KIAA1328: variants seen among roughly 807,000 people sequenced by gnomAD.
The protein encoded by KIAA1328 is KIAA1328.
In KIAA1328, 52 loss-of-function variants were observed where a neutral mutation model predicts 68.1. The ratio of observed to expected loss-of-function variants is 0.76; its 90% confidence interval spans 0.61 to 0.96. The LOEUF (loss-of-function observed/expected upper bound fraction) is 0.96, where lower values mean the gene tolerates loss of function less well. Ranked by LOEUF, KIAA1328 falls within the 40% of genes least tolerant of loss-of-function variation. The pLI is 0.00. For synonymous variants in KIAA1328, 232 were observed against 239.4 expected (o/e 0.97, Z 0.28); for missense variants, 641 against 677.6 (o/e 0.95, Z 0.60).
chr18:37,074,967 A>G (rs1312960342), intron 7 of KIAA1328: 1 of 152,078 alleles, frequency 6.6e-6, no homozygotes, highest in African/African-American at 2.4e-5. Flanking sequence ...ATTCAGATTC[A>G]GGAAATACAG....
intron 6 of KIAA1328, among the ~76,000 whole-genome samples, chr18:37,005,582 C>G (rs942293549): frequency 3.9e-5 from 6 of 152,038 alleles, no homozygotes; most frequent in Non-Finnish European, 5.9e-5. Flanking sequence ...ACTAATTGAA[C>G]CACTAATGCC....
intron 5 of KIAA1328, among the ~76,000 whole-genome samples, chr18:36,945,533 C>G (rs2050869024): frequency 6.6e-6 from 1 of 152,044 alleles, no homozygotes; most frequent in Non-Finnish European, 1.5e-5. Flanking sequence ...AACTGTGATT[C>G]CATTGTATAA....
chr18:37,061,437 T>C (rs1473858362), intron 6 of KIAA1328, among the ~76,000 whole-genome samples: 2 of 152,172 alleles, frequency 1.3e-5, no homozygotes, highest in African/African-American at 2.4e-5. Flanking sequence ...AATATAAAAA[T>C]TCATCAAGCT....
chr18:36,971,317 A>G (rs2052198542), intron 6 of KIAA1328, among the ~76,000 whole-genome samples: 1 of 152,216 alleles, frequency 6.6e-6, no homozygotes, highest in Non-Finnish European at 1.5e-5. Flanking sequence ...TAAAGACTTA[A>G]ACGTAAGACC....
chr18:37,007,277 C>T (rs2053818489), intron 6 of KIAA1328, among the ~76,000 whole-genome samples: 1 of 152,128 alleles, frequency 6.6e-6, no homozygotes, highest in Non-Finnish European at 1.5e-5. Flanking sequence ...ACCAATAAGG[C>T]AAAGATAGCT....
intron 6 of KIAA1328, among the ~76,000 whole-genome samples, chr18:37,037,302 T>C (rs755571933): frequency 3.9e-5 from 6 of 152,178 alleles, no homozygotes; most frequent in Non-Finnish European, 8.8e-5. Context: ...AGTGGGATCT[T>C]GTAAGAATGG....
chr18:36,883,807 C>G (rs931351992), intron 4 of KIAA1328, among the ~76,000 whole-genome samples: 1 of 151,968 alleles, frequency 6.6e-6, no homozygotes, highest in Non-Finnish European at 1.5e-5. Flanking sequence ...GGTCTTTATA[C>G]TTTTTAATAT....
intron 4 of KIAA1328, among the ~76,000 whole-genome samples, chr18:36,881,707 A>G (rs566642644): frequency 6.6e-6 from 1 of 152,330 alleles, no homozygotes; most frequent in South Asian, 2.1e-4. Context: ...GGAATCATAT[A>G]TGTGATCTTT....
chr18:36,838,331 A>G (rs2046747122), intron 3 of KIAA1328, among the ~76,000 whole-genome samples: 1 of 152,170 alleles, frequency 6.6e-6, no homozygotes, highest in Non-Finnish European at 1.5e-5. Flanking sequence ...CTTTTAAAGA[A>G]ATTTTACAAA....
chr18:36,887,451 T>C lies in KIAA1328; in HGVS notation c.448+1779T>C, dbSNP rs140113557. On this transcript the variant is annotated intron_variant, in intron 5 of 9. Coordinates refer to ENST00000280020, the MANE Select transcript of KIAA1328 (RefSeq NM_020776.3). The stretch of plus-strand genomic sequence containing the variant: ...TTTTCAGTGCTGGCAGCTTTACAAT[T>C]CTCTCAGGTTTTTTTAATGGTTGCT... Among the ~76,000 whole-genome samples, 108 of 152,162 alleles carry C rather than the reference T, an allele frequency of 7.1e-4. 1 individual carries two copies. The East Asian group carries it at 0.019, about 27-fold the overall frequency.
intron 6 of KIAA1328, among the ~76,000 whole-genome samples, chr18:36,992,451 C>CTTT (rs71168252): frequency 7.7e-5 from 10 of 130,110 alleles, no homozygotes; most frequent in African/African-American, 3.4e-4. Flanking sequence ...TCTTTTCTTT[C>CTTT]TTTTTTTTTT....
At chr18:37,115,461 A>G (rs1019129073) in intron 7 of KIAA1328, among the ~76,000 whole-genome samples, 8 of 152,224 alleles carry the variant, frequency 5.3e-5, no homozygotes, top group Non-Finnish European at 1.0e-4. Flanking sequence ...ACAAAATTCA[A>G]CAGCCCTTCA....
chr18:36,983,202 A>G (rs1394388350), intron 6 of KIAA1328, among the ~76,000 whole-genome samples: 4 of 152,126 alleles, frequency 2.6e-5, no homozygotes, highest in Non-Finnish European at 4.4e-5. Flanking sequence ...GGGAAAAAGC[A>G]AGACACAAAT....
chr18:36,914,916 A>G (rs1450011167), intron 5 of KIAA1328, among the ~76,000 whole-genome samples: 1 of 152,194 alleles, frequency 6.6e-6, no homozygotes, highest in Admixed American at 6.5e-5. Flanking sequence ...GAAAGAAATG[A>G]ACAGATTGAC....
chr18:37,200,031 G>C (rs567706241), intron 9 of KIAA1328, among the ~76,000 whole-genome samples: 1 of 152,354 alleles, frequency 6.6e-6, no homozygotes, highest in Non-Finnish European at 1.5e-5. Context: ...GTATGTCCCA[G>C]TGGGAGAGAT....
At chr18:37,099,961 A>C (rs2057547472) in intron 7 of KIAA1328, among the ~76,000 whole-genome samples, 2 of 152,062 alleles carry the variant, frequency 1.3e-5, no homozygotes, top group Non-Finnish European at 2.9e-5. Flanking sequence ...TTTTGAGCCT[A>C]TGTGTGTCTT....
intron 5 of KIAA1328, among the ~76,000 whole-genome samples, chr18:36,888,846 A>G (rs908246111): frequency 6.6e-6 from 1 of 152,136 alleles, no homozygotes; most frequent in Non-Finnish European, 1.5e-5. Context: ...AATGATTCAG[A>G]CTCTTACATA....
intron 5 of KIAA1328, among the ~76,000 whole-genome samples, chr18:36,940,118 T>A (rs1598765821): frequency 6.6e-6 from 1 of 152,220 alleles, no homozygotes; most frequent in Non-Finnish European, 1.5e-5. Flanking sequence ...TAAAAAGATA[T>A]GACTTTGGAG....
chr18:36,987,785 G>A (rs1171363660), intron 6 of KIAA1328, among the ~76,000 whole-genome samples: 1 of 151,814 alleles, frequency 6.6e-6, no homozygotes, highest in Non-Finnish European at 1.5e-5. Flanking sequence ...CTTTACTTAT[G>A]TGCAGGTGAT....
Sources: allele counts gnomAD v4.1 joint callset (sites outside exome capture counted in the v4.1 genomes callset), GRCh38; gene constraint gnomAD v4.1.1; transcripts MANE v1.5; gene names NCBI Gene and HGNC (gene_info 2026-07-23, HGNC 2026-07-21).